The following DARS1 variants were observed in gnomAD, a reference collection of about 807,000 sequenced individuals.
DARS1 encodes the protein aspartyl-tRNA synthetase 1, also known as aspartate--tRNA ligase, cytoplasmic.
In DARS1, 51 loss-of-function variants were observed where a neutral mutation model predicts 68.8. The ratio of observed to expected loss-of-function variants is 0.74; its 90% confidence interval spans 0.59 to 0.94. The LOEUF is 0.94. Ranked by LOEUF, DARS1 falls within the 40% of genes least tolerant of loss-of-function variation. The probability of loss-of-function intolerance (pLI) is 0.00; values close to 1 mark genes in which losing one functional copy is unlikely to be tolerated. For synonymous variants in DARS1, 203 were observed against 190.4 expected (o/e 1.07, Z -0.55); for missense variants, 607 against 597.3 (o/e 1.02, Z -0.17).
At chr2:135,970,427 T>G (rs1682345104) in intron 3 of DARS1, among the ~76,000 whole-genome samples, 1 of 151,810 alleles carries the variant, frequency 6.6e-6, no homozygotes, top group Non-Finnish European at 1.5e-5. Context: ...ATCAAAAAAT[T>G]TCTTGAAACA....
intron 1 of DARS1, among the ~76,000 whole-genome samples, chr2:135,985,022 G>A (rs909694467): frequency 2.0e-5 from 3 of 152,214 alleles, no homozygotes; most frequent in Admixed American, 1.3e-4. Context: ...GAACACGAGG[G>A]CTGAGTACAT....
chr2:135,985,259 C>A, intron 1 of DARS1, 144 bp downstream of exon 1: 1 of 1,362,334 alleles, frequency 7.3e-7, no homozygotes, highest in Admixed American at 2.8e-5. Context: ...GGGGCAAGGG[C>A]TCTAGGCGCC....
intron 11 of DARS1, 178 bp from the exon 12 acceptor site, chr2:135,914,689 C>A (rs1680970482): frequency 1.7e-6 from 1 of 587,142 alleles, no homozygotes; most frequent in South Asian, 2.1e-5. Context: ...TATGAGTATA[C>A]CTTGGTACAG....
chr2:135,912,029 G>A (rs1369061375), intron 13 of DARS1, among the ~76,000 whole-genome samples: 1 of 152,054 alleles, frequency 6.6e-6, no homozygotes, highest in African/African-American at 2.4e-5. Flanking sequence ...CTCAGCAACT[G>A]GTGTTTTAAA....
At chr2:135,925,120 C>T (rs1681186340) in intron 7 of DARS1, among the ~76,000 whole-genome samples, 1 of 152,010 alleles carries the variant, frequency 6.6e-6, no homozygotes, top group Admixed American at 6.6e-5. Context: ...TCTCTCTTTC[C>T]CTCCTTTCTT....
intron 10 of DARS1, among the ~76,000 whole-genome samples, chr2:135,919,431 A>T (rs1029930554): frequency 1.3e-5 from 2 of 152,224 alleles, no homozygotes; most frequent in Admixed American, 1.3e-4. Flanking sequence ...TATCAAATAC[A>T]TCAACAAGGA....
chr2:135,926,039 C>T (rs953170630), intron 7 of DARS1, among the ~76,000 whole-genome samples: 2 of 152,082 alleles, frequency 1.3e-5, no homozygotes, highest in African/African-American at 4.8e-5. Flanking sequence ...TATAGGTGCC[C>T]GTCACCATGC....
chr2:135,943,839 T>C (rs910579927), intron 4 of DARS1, among the ~76,000 whole-genome samples: 1 of 152,200 alleles, frequency 6.6e-6, no homozygotes, highest in African/African-American at 2.4e-5. Context: ...GCATTTCCTA[T>C]AATGAGAAAT....
chr2:135,931,665 T>C (rs1681350845), intron 7 of DARS1, among the ~76,000 whole-genome samples: 1 of 151,910 alleles, frequency 6.6e-6, no homozygotes, highest in Non-Finnish European at 1.5e-5. Context: ...CCAAATAACA[T>C]GAATGAATGA....
intron 3 of DARS1, among the ~76,000 whole-genome samples, chr2:135,972,635 G>C (rs1682398759): frequency 1.3e-5 from 2 of 152,092 alleles, no homozygotes; most frequent in Non-Finnish European, 2.9e-5. Context: ...AAAGTGAAGA[G>C]ACAACCCACA....
intron 1 of DARS1, 116 bp downstream of exon 1, chr2:135,985,287 G>C: frequency 6.9e-7 from 1 of 1,447,242 alleles, no homozygotes; most frequent in Non-Finnish European, 9.1e-7. Flanking sequence ...CACGCCCGCA[G>C]CCTGCGGAGA....
chr2:135,967,778 C>T (rs1418273919), intron 3 of DARS1, among the ~76,000 whole-genome samples: 2 of 152,096 alleles, frequency 1.3e-5, no homozygotes, highest in South Asian at 2.1e-4. Flanking sequence ...CTTTGCTCTA[C>T]TAGAAACTGC....
At chr2:135,915,824 G>A (rs1680992734) in intron 11 of DARS1, among the ~76,000 whole-genome samples, 1 of 152,024 alleles carries the variant, frequency 6.6e-6, no homozygotes, top group East Asian at 1.9e-4. Flanking sequence ...TAACATATTA[G>A]AAGATAAAAT....
chr2:135,958,002 A>G (rs915496218), intron 4 of DARS1, among the ~76,000 whole-genome samples: 1 of 152,138 alleles, frequency 6.6e-6, no homozygotes, highest in Non-Finnish European at 1.5e-5. Context: ...TCCATAATTA[A>G]TTTGTTTCTG....
chr2:135,947,239 C>A (rs1681744895), intron 4 of DARS1, among the ~76,000 whole-genome samples: 1 of 151,952 alleles, frequency 6.6e-6, no homozygotes, highest in Non-Finnish European at 1.5e-5. Context: ...AACCCAGTCT[C>A]TACTAAAAAT....
chr2:135,956,608 A>G (rs309143), intron 4 of DARS1, among the ~76,000 whole-genome samples: 29,677 of 152,098 alleles, frequency 0.2, 3,224 homozygotes, highest in Middle Eastern at 0.41. Context: ...AGTTCTTTCA[A>G]AGGAATCTGA....
In DARS1 at chr2:135,985,254, A is replaced by C. The variant is rs1682748816; in HGVS notation, c.66+149T>G. The stretch of plus-strand genomic sequence containing the variant: ...GAGGGTCTGGCCCCACTGCTGGGGC[A>C]AGGGCTCTAGGCGCCCGGACCCCAC... On this transcript the variant is annotated intron_variant, in intron 1 of 15. Coordinates refer to ENST00000264161, the MANE Select transcript of DARS1 (RefSeq NM_001349.4). 19 of 1,323,838 alleles carry C rather than the reference A, an allele frequency of 1.4e-5. No homozygotes were observed. The South Asian group carries it at 2.6e-4, about 18-fold the overall frequency. 82.0% of individuals were successfully genotyped at this position (1,323,838 alleles called of 1,614,324 possible). A position where few individuals can be genotyped will look rare whatever the true frequency, so the allele number is the denominator to read the frequency against.
At chr2:135,945,197 G>A (rs1360754861) in intron 4 of DARS1, among the ~76,000 whole-genome samples, 1 of 151,654 alleles carries the variant, frequency 6.6e-6, no homozygotes, top group Non-Finnish European at 1.5e-5. Context: ...GCTCCATCTT[G>A]ACTCATTGCA....
intron 4 of DARS1, among the ~76,000 whole-genome samples, chr2:135,957,454 G>A (rs1682002869): frequency 1.3e-5 from 2 of 152,022 alleles, no homozygotes; most frequent in Admixed American, 1.3e-4. Context: ...TCCTGACCTC[G>A]TGATCTGCCC....
Sources: allele counts gnomAD v4.1 joint callset (sites outside exome capture counted in the v4.1 genomes callset), GRCh38; gene constraint gnomAD v4.1.1; transcripts MANE v1.5; gene names NCBI Gene and HGNC (gene_info 2026-07-23, HGNC 2026-07-21).